Variants in NNT observed in about 807,000 individuals in gnomAD.
The protein encoded by NNT is NAD(P) transhydrogenase, mitochondrial.
NNT carries 50 observed loss-of-function variants against 104.8 expected under a neutral mutation model. That is an observed-to-expected ratio of 0.48 (90% CI 0.38 to 0.60). The LOEUF (loss-of-function observed/expected upper bound fraction) is 0.60. Ranked by LOEUF, NNT falls within the 20% of genes least tolerant of loss-of-function variation. The probability of loss-of-function intolerance (pLI) is 0.00; values close to 1 mark genes in which losing one functional copy is unlikely to be tolerated. For synonymous variants in NNT, 461 were observed against 490.4 expected (o/e 0.94, Z 0.79); for missense variants, 1,131 against 1,330.7 (o/e 0.85, Z 2.33).
chr5:43,623,876 A>T (rs953152401), intron 5 of NNT, among the ~76,000 whole-genome samples, 156 bp from the exon 6 acceptor site: 2 of 152,114 alleles, frequency 1.3e-5, no homozygotes, highest in Non-Finnish European at 2.9e-5. Context: ...TAGTCTATGT[A>T]CTCCATACAG....
intron 17 of NNT, among the ~76,000 whole-genome samples, chr5:43,672,148 T>G (rs563562751): frequency 1.1e-4 from 16 of 152,246 alleles, no homozygotes; most frequent in Non-Finnish European, 1.6e-4. Flanking sequence ...GTCATTTAAG[T>G]ACTTCTCTAC....
intron 14 of NNT, chr5:43,653,646 T>C (rs938275908): frequency 1.3e-5 from 2 of 152,602 alleles, no homozygotes; most frequent in African/African-American, 4.8e-5. Flanking sequence ...AGTTGTTTGC[T>C]GGATTGTTAA....
At chr5:43,615,783 C>A in intron 3 of NNT, 65 bp from the exon 4 acceptor site, 1 of 1,212,102 alleles carries the variant, frequency 8.3e-7, no homozygotes, top group Non-Finnish European at 1.2e-6. Flanking sequence ...CTAAGTTTTC[C>A]TGTTTGCTTA....
At chr5:43,635,041 T>C (rs1218157574) in intron 7 of NNT, among the ~76,000 whole-genome samples, 1 of 152,214 alleles carries the variant, frequency 6.6e-6, no homozygotes, top group Non-Finnish European at 1.5e-5. Context: ...ACAAATAGCG[T>C]TACTGCTAAT....
chr5:43,669,210 A>G (rs1391359551), intron 17 of NNT, among the ~76,000 whole-genome samples: 1 of 152,110 alleles, frequency 6.6e-6, no homozygotes, highest in African/African-American at 2.4e-5. Context: ...TAGATATACA[A>G]TCATGTCATC....
At chr5:43,684,292 C>T (rs1741871062) in intron 19 of NNT, among the ~76,000 whole-genome samples, 1 of 151,394 alleles carries the variant, frequency 6.6e-6, no homozygotes, top group South Asian at 2.1e-4. Flanking sequence ...AGCAGTTCAG[C>T]CCTTATTTGC....
intron 19 of NNT, among the ~76,000 whole-genome samples, chr5:43,698,203 T>C (rs1011310394): frequency 6.6e-6 from 1 of 151,860 alleles, no homozygotes; most frequent in Admixed American, 6.6e-5. Flanking sequence ...TATTAATATA[T>C]GAAAATATAT....
rs908859669 is a variant in NNT at position 43,620,410 on chromosome 5, C to T, written c.687+1291C>T. Among the ~76,000 whole-genome samples the T allele has an allele frequency of 6.6e-5, 10 of 151,846 alleles. No individual in the cohort carries two copies. In the East Asian group the frequency reaches 1.4e-3, roughly 21 times the overall value. On this transcript the variant is annotated intron_variant, in intron 5 of 21. Transcript: ENST00000344920. ...AATTTTTTTGTATTTTTAGTAGAGA[C>T]GGGGTTTCACCATGTTGGCGAGGAT...
Position 43,675,630 on chromosome 5 carries a change from T to C in NNT, c.2754T>C (p.Ile918=). The change falls in exon 18 of 22, where the codon ATT becomes ATC. Residue 918 remains isoleucine (I), a synonymous_variant. Transcript: ENST00000344920. The part of the protein sequence containing the change: ...THTEINLDNA[I]DMIREANSII... ...CGGAAATCAACCTTGACAATGCAAT[T>C]GACATGATTCGAGAAGCTAATAGCA... The C allele has an allele frequency of 2.5e-6, 4 of 1,610,608 alleles. No individual in the cohort carries two copies. The highest frequency in any genetic ancestry group is 3.4e-6 in the Non-Finnish European group (4 of 1,178,696).
chr5:43,617,681 G>A (rs1280642486), intron 4 of NNT, among the ~76,000 whole-genome samples: 2 of 151,972 alleles, frequency 1.3e-5, no homozygotes, highest in Non-Finnish European at 2.9e-5. Flanking sequence ...ATGTTTCCTC[G>A]TACATTTCCT....
intron 19 of NNT, among the ~76,000 whole-genome samples, chr5:43,693,042 AT>A (rs143728935): frequency 3.2e-4 from 47 of 148,034 alleles, no homozygotes; most frequent in Admixed American, 1.2e-3. Context: ...AGCTTTATTT[AT>A]TTTTTTTTTC....
intron 6 of NNT, among the ~76,000 whole-genome samples, chr5:43,626,736 TTA>T (rs910910109): frequency 6.6e-6 from 1 of 150,786 alleles, no homozygotes. Flanking sequence ...CTTATAGAAA[TTA>T]TATATATATA....
At chr5:43,673,169 G>A (rs1228367784) in intron 17 of NNT, among the ~76,000 whole-genome samples, 3 of 152,144 alleles carry the variant, frequency 2.0e-5, no homozygotes, top group Non-Finnish European at 2.9e-5. Flanking sequence ...CTGATTTTCC[G>A]GGTGCCCTCC....
At chr5:43,665,765 T>C (rs182403200) in intron 17 of NNT, among the ~76,000 whole-genome samples, 9 of 126,576 alleles carry the variant, frequency 7.1e-5, no homozygotes, top group Admixed American at 2.4e-4. Flanking sequence ...GACGGGGTGG[T>C]GGCCGGGCAG....
intron 21 of NNT, among the ~76,000 whole-genome samples, chr5:43,703,773 T>C (rs986402586): frequency 5.3e-5 from 8 of 152,182 alleles, no homozygotes; most frequent in African/African-American, 1.7e-4. Context: ...GCTGGATTGC[T>C]CTTTGGGCTT....
intron 17 of NNT, among the ~76,000 whole-genome samples, chr5:43,666,030 C>T (rs185220735): frequency 0.048 from 7,222 of 150,080 alleles, 206 homozygotes; most frequent in East Asian, 0.12. Context: ...ACATCCCAGA[C>T]GATGGGCGGC....
In NNT at chr5:43,628,254, C is replaced by A. The variant is rs757697012; in HGVS notation, c.831C>A (p.Asp277Glu). Residue 277 changes from aspartate to glutamate, a missense_variant, in exon 7 of 22, where the codon GAC becomes GAA. Asp to Glu is a conservative substitution (Grantham distance 45). Transcript: ENST00000344920. Reference sequence around the variant, plus strand: ...TTGGTGCTGAGCCCTTGGAGGTGGACTTGAAGGAATCTGGTGAGGGACAAG... The same window carrying A: ...TTGGTGCTGAGCCCTTGGAGGTGGAATTGAAGGAATCTGGTGAGGGACAAG... Reference protein sequence around the residue: ...KSLGAEPLEVDLKESGEGQGG... With the variant: ...KSLGAEPLEVELKESGEGQGG... 6.2e-7 allele frequency: 1 copy of A among 1,613,644 alleles called. No individual in the cohort carries two copies. Among genetic ancestry groups the A allele is most frequent in the African/African-American group, 1.3e-5 (1 of 74,812 alleles).
At chr5:43,626,869 G>A (rs1163900928) in intron 6 of NNT, among the ~76,000 whole-genome samples, 4 of 151,076 alleles carry the variant, frequency 2.6e-5, no homozygotes, top group African/African-American at 9.7e-5. Context: ...ATGTATGTGT[G>A]TATATATATA....
Position 43,628,195 on chromosome 5 carries a change from C to T in NNT, c.777-5C>T. ...CTACTCTTTCCACTTTAACAATCACCCTAGAGCTGCAGCTTTGGAACAGTT... is the reference window on the plus strand; with the variant it reads ...CTACTCTTTCCACTTTAACAATCACTCTAGAGCTGCAGCTTTGGAACAGTT... On this transcript the variant is annotated splice_polypyrimidine_tract_variant and splice_region_variant and intron_variant, in intron 6 of 21. Coordinates refer to ENST00000344920, the MANE Select transcript of NNT (RefSeq NM_182977.3). The T allele has an allele frequency of 6.2e-7, 1 of 1,603,234 alleles. No homozygotes were observed. The highest frequency in any genetic ancestry group is 1.7e-4 in the Middle Eastern group (1 of 5,992).
Sources: allele counts gnomAD v4.1 joint callset (sites outside exome capture counted in the v4.1 genomes callset), GRCh38; gene constraint gnomAD v4.1.1; transcripts MANE v1.5; gene names NCBI Gene and HGNC (gene_info 2026-07-23, HGNC 2026-07-21).